RTN1: variants seen among roughly 807,000 people sequenced by gnomAD.
RTN1 encodes the protein reticulon 1.
In RTN1, 25 loss-of-function variants were observed where a neutral mutation model predicts 65.5. The observed-to-expected ratio is 0.38, with a 90% CI of 0.28 to 0.53. RTN1 has a LOEUF of 0.53. RTN1 is among the 20% of genes least tolerant of loss of function. The probability of loss-of-function intolerance (pLI) is 0.79; values close to 1 mark genes in which losing one functional copy is unlikely to be tolerated. For missense variants in RTN1, 983 were observed against 1,025.4 expected, an observed-to-expected ratio of 0.96 and a Z score of 0.57; for synonymous variants, 471 against 447.6, an observed-to-expected ratio of 1.05 and a Z score of -0.66.
At chr14:59,778,748 T>C (rs549502529) in intron 1 of RTN1, among the ~76,000 whole-genome samples, 1 of 152,124 alleles carries the variant, frequency 6.6e-6, no homozygotes, top group Non-Finnish European at 1.5e-5. Context: ...AATAGACCAG[T>C]AATAAGGGAA....
intron 1 of RTN1, among the ~76,000 whole-genome samples, chr14:59,770,359 C>T (rs1416158518): frequency 2.5e-5 from 2 of 80,150 alleles, no homozygotes; most frequent in African/African-American, 9.9e-5. Flanking sequence ...GCCTGGGGAA[C>T]AAGAGTGAAA....
chr14:59,641,605 A>T (rs929952573), intron 3 of RTN1, among the ~76,000 whole-genome samples: 1 of 152,048 alleles, frequency 6.6e-6, no homozygotes, highest in Admixed American at 6.5e-5. Flanking sequence ...TCCCGACCTC[A>T]GGTGATCCAC....
intron 3 of RTN1, among the ~76,000 whole-genome samples, chr14:59,705,363 C>T (rs1036580418): frequency 1.3e-5 from 2 of 152,202 alleles, no homozygotes; most frequent in South Asian, 2.1e-4. Flanking sequence ...TCCAAGTACA[C>T]TGTGTAAACA....
At chr14:59,723,228 A>C in intron 3 of RTN1, among the ~76,000 whole-genome samples, 1 of 152,216 alleles carries the variant, frequency 6.6e-6, no homozygotes, top group East Asian at 1.9e-4. Flanking sequence ...GACAAGAAAG[A>C]TGAGATTGAA....
chr14:59,640,809 T>C (rs950466304), intron 3 of RTN1, among the ~76,000 whole-genome samples: 1 of 152,212 alleles, frequency 6.6e-6, no homozygotes, highest in Non-Finnish European at 1.5e-5. Flanking sequence ...TTTTAAAGAA[T>C]AAAATTTTTA....
intron 3 of RTN1, among the ~76,000 whole-genome samples, chr14:59,723,690 C>A (rs1298907538): frequency 6.6e-6 from 1 of 152,076 alleles, no homozygotes; most frequent in Non-Finnish European, 1.5e-5. Flanking sequence ...GTATAAGAAT[C>A]ACATATGCAC....
At chr14:59,865,209 G>C (rs1189882740) in intron 1 of RTN1, among the ~76,000 whole-genome samples, 1 of 152,140 alleles carries the variant, frequency 6.6e-6, no homozygotes, top group Non-Finnish European at 1.5e-5. Flanking sequence ...CCAGCAGTCA[G>C]TGTCAAATAT....
intron 1 of RTN1, among the ~76,000 whole-genome samples, chr14:59,845,627 G>C (rs1291590361): frequency 6.6e-6 from 1 of 152,156 alleles, no homozygotes; most frequent in African/African-American, 2.4e-5. Context: ...ACTCTCTATT[G>C]TTAACAGAGA....
intron 3 of RTN1, among the ~76,000 whole-genome samples, chr14:59,613,400 G>A (rs1594631807): frequency 6.6e-6 from 1 of 152,160 alleles, no homozygotes; most frequent in Non-Finnish European, 1.5e-5. Context: ...CTGGGTTCAA[G>A]TGATTCTCTT....
At chr14:59,758,783 C>T (rs920995865) in intron 1 of RTN1, among the ~76,000 whole-genome samples, 1 of 152,196 alleles carries the variant, frequency 6.6e-6, no homozygotes, top group Non-Finnish European at 1.5e-5. Context: ...TGGATTATTA[C>T]CTCCATGTTG....
chr14:59,702,665 T>C (rs981019874), intron 3 of RTN1, among the ~76,000 whole-genome samples: 1 of 152,186 alleles, frequency 6.6e-6, no homozygotes, highest in Non-Finnish European at 1.5e-5. Context: ...ACAACCCTGT[T>C]CCACCACCAT....
chr14:59,686,758 C>T lies in RTN1; in HGVS notation c.1765+40161G>A, dbSNP rs986033081. On this transcript the variant is annotated intron_variant, in intron 3 of 8. Coordinates refer to ENST00000267484, the MANE Select transcript of RTN1 (RefSeq NM_021136.3). ...GGTTAAGGAACAGCATTATGTTTCT[C>T]CAAGCCCTGGAGGTAACTTGGGGAA... Among the ~76,000 whole-genome samples the T allele has an allele frequency of 5.3e-5, 8 of 152,270 alleles. 1 individual carries two copies. Among genetic ancestry groups the T allele is most frequent in the Non-Finnish European group, 1.5e-5 (1 of 68,010 alleles).
chr14:59,620,099 A>T (rs1472515846), intron 3 of RTN1, among the ~76,000 whole-genome samples: 1 of 152,128 alleles, frequency 6.6e-6, no homozygotes, highest in Non-Finnish European at 1.5e-5. Context: ...AGTCTCCACT[A>T]AGGAAGGAAA....
At chr14:59,775,614 A>T (rs1886036809) in intron 1 of RTN1, among the ~76,000 whole-genome samples, 1 of 152,180 alleles carries the variant, frequency 6.6e-6, no homozygotes, top group African/African-American at 2.4e-5. Context: ...TTCCCATTTA[A>T]CAGATGAGAA....
At chr14:59,644,086 C>T (rs558188009) in intron 3 of RTN1, among the ~76,000 whole-genome samples, 3 of 152,266 alleles carry the variant, frequency 2.0e-5, no homozygotes, top group East Asian at 1.9e-4. Flanking sequence ...AGGGAGCTAA[C>T]AGGAAATTCT....
chr14:59,807,058 A>G (rs1363005320), intron 1 of RTN1, among the ~76,000 whole-genome samples: 2 of 152,338 alleles, frequency 1.3e-5, no homozygotes, highest in South Asian at 4.1e-4. Flanking sequence ...AACTCATTCA[A>G]TGTGATAAAA....
Position 59,645,395 on chromosome 14 carries a change from A to ACATGTTTTC in RTN1, c.1766-37904_1766-37903insGAAAACATG, listed in dbSNP as rs1566671152. ...TATATGTTTGTTACATGTTTTCTAT[A>ACATGTTTTC]TATTACATGTTTTCTATATGTTACA... is the stretch of plus-strand genomic sequence containing the variant. On this transcript the variant is annotated intron_variant, in intron 3 of 8. Transcript: ENST00000267484. 3.5e-4 allele frequency among the ~76,000 whole-genome samples: 53 copies of ACATGTTTTC among 150,910 alleles called. 1 individual carries two copies. Among genetic ancestry groups the ACATGTTTTC allele is most frequent in the South Asian group, 1.3e-3 (6 of 4,774 alleles).
At chr14:59,704,273 C>T (rs1272583826) in intron 3 of RTN1, among the ~76,000 whole-genome samples, 1 of 152,180 alleles carries the variant, frequency 6.6e-6, no homozygotes, top group Non-Finnish European at 1.5e-5. Context: ...CGCCCCCTCA[C>T]CGCCACGAAT....
intron 2 of RTN1, among the ~76,000 whole-genome samples, chr14:59,733,240 C>T (rs1034070441): frequency 6.6e-6 from 1 of 152,044 alleles, no homozygotes; most frequent in Non-Finnish European, 1.5e-5. Flanking sequence ...TACAGGGGTG[C>T]CCTTACCACA....
Sources: gnomAD v4.1 joint callset for allele counts (sites outside exome capture counted in the v4.1 genomes callset) on GRCh38, gnomAD v4.1.1 for gene constraint, MANE v1.5 for transcripts, NCBI Gene and HGNC (gene_info 2026-07-23, HGNC 2026-07-21) for gene names.